The following TUSC3 variants were observed in gnomAD, a reference collection of about 807,000 sequenced individuals.
TUSC3 encodes the protein tumor suppressor candidate 3.
Under a neutral mutation model 44.8 loss-of-function variants are expected in TUSC3, and 45 were observed. The ratio of observed to expected loss-of-function variants is 1.00; its 90% CI spans 0.79 to 1.29. The LOEUF (loss-of-function observed/expected upper bound fraction) is 1.29. Ranked by LOEUF, TUSC3 falls within the 50% of genes most tolerant of loss-of-function variation. TUSC3 has a pLI of 0.00. For synonymous variants in TUSC3, 212 were observed against 152.9 expected, an observed-to-expected ratio of 1.39 and a Z score of -2.85; for missense variants, 519 against 437.9, an observed-to-expected ratio of 1.19 and a Z score of -1.65.
chr8:15,797,509 A>G, the TUSC3 span, among the ~76,000 whole-genome samples: 1 of 152,160 alleles, frequency 6.6e-6, no homozygotes, highest in South Asian at 2.1e-4. Context: ...CTTTTGCTAG[A>G]GGAAGTGTGA....
chr8:15,525,166 C>T (rs943443151), intron 2 of TUSC3, among the ~76,000 whole-genome samples: 2 of 152,130 alleles, frequency 1.3e-5, no homozygotes, highest in African/African-American at 4.8e-5. Flanking sequence ...CTGCTGGTGC[C>T]CACGTATATA....
chr8:15,616,526 G>C (rs1804993967), intron 1 of TUSC3, among the ~76,000 whole-genome samples: 1 of 152,244 alleles, frequency 6.6e-6, no homozygotes, highest in Non-Finnish European at 1.5e-5. Context: ...GTAATTTGCG[G>C]AGATAGCACC....
intron 1 of TUSC3, among the ~76,000 whole-genome samples, chr8:15,547,942 T>TAA (rs1305430395): frequency 2.0e-5 from 3 of 151,734 alleles, no homozygotes; most frequent in African/African-American, 7.2e-5. Flanking sequence ...ATAATTCACT[T>TAA]TATTTTTAAC....
At chr8:15,743,276 C>G (rs1471064105) in intron 7 of TUSC3, among the ~76,000 whole-genome samples, 1 of 152,196 alleles carries the variant, frequency 6.6e-6, no homozygotes, top group African/African-American at 2.4e-5. Context: ...TTTATATGTG[C>G]TGTGAAAATC....
At chr8:15,513,118 G>A (rs1387915269) in intron 2 of TUSC3, among the ~76,000 whole-genome samples, 2 of 151,084 alleles carry the variant, frequency 1.3e-5, no homozygotes, top group Non-Finnish European at 2.9e-5. Context: ...CACCTAAACA[G>A]TAAATGAAAA....
chr8:15,574,838 C>T (rs1477447098), intron 1 of TUSC3, among the ~76,000 whole-genome samples: 1 of 152,096 alleles, frequency 6.6e-6, no homozygotes, highest in East Asian at 1.9e-4. Flanking sequence ...ACTTGGAAAA[C>T]ATTTAGAGCA....
At chr8:15,736,925 C>T (rs767990708) in intron 7 of TUSC3, among the ~76,000 whole-genome samples, 12 of 151,894 alleles carry the variant, frequency 7.9e-5, no homozygotes, top group Admixed American at 3.3e-4. Flanking sequence ...TAATCTCTGA[C>T]CTAAGTTAGA....
At chr8:15,645,085 A>G (rs1223361803) in intron 2 of TUSC3, among the ~76,000 whole-genome samples, 3 of 152,164 alleles carry the variant, frequency 2.0e-5, no homozygotes, top group African/African-American at 7.2e-5. Context: ...AGACCATTAG[A>G]GTAACATTGA....
intron 1 of TUSC3, among the ~76,000 whole-genome samples, chr8:15,608,619 T>C (rs553777458): frequency 1.3e-4 from 20 of 152,184 alleles, no homozygotes; most frequent in African/African-American, 4.3e-4. Context: ...ATGGGGGTGG[T>C]TTCCCCCATG....
downstream of TUSC3, among the ~76,000 whole-genome samples, chr8:15,769,798 GC>G (rs1812409369): frequency 6.6e-6 from 1 of 152,164 alleles, no homozygotes; most frequent in African/African-American, 2.4e-5. Flanking sequence ...CATTTATGTG[GC>G]CCACAAACGT....
chr8:15,694,435 CAAAAAAAAAAAAA>C (rs146718595), intron 6 of TUSC3, among the ~76,000 whole-genome samples: 14 of 83,232 alleles, frequency 1.7e-4, no homozygotes, highest in Admixed American at 3.0e-4. Flanking sequence ...AAACTCCATC[CAAAAAAAAAAAAA>C]AAAAAAAAAA....
intron 1 of TUSC3, among the ~76,000 whole-genome samples, chr8:15,599,623 T>A (rs953095637): frequency 7.3e-5 from 11 of 151,580 alleles, no homozygotes; most frequent in Non-Finnish European, 1.6e-4. Context: ...AAGTCTAGAT[T>A]CATTTTTTTG....
intron 6 of TUSC3, among the ~76,000 whole-genome samples, chr8:15,712,798 A>T (rs78895275): frequency 6.6e-6 from 1 of 152,146 alleles, no homozygotes; most frequent in Non-Finnish European, 1.5e-5. Context: ...CACAGGTCAC[A>T]GTAAGGGTCA....
intron 2 of TUSC3, among the ~76,000 whole-genome samples, chr8:15,630,278 T>G (rs1265255452): frequency 6.6e-6 from 1 of 152,092 alleles, no homozygotes; most frequent in Non-Finnish European, 1.5e-5. Context: ...TAATATATAA[T>G]TGGACTCCGG....
At chr8:15,849,674 T>C in the TUSC3 span, among the ~76,000 whole-genome samples, 1 of 151,994 alleles carries the variant, frequency 6.6e-6, no homozygotes, top group Admixed American at 6.6e-5. Flanking sequence ...GCCTACAGGG[T>C]AAAAATAAAG....
chr8:15,611,114 G>C (rs1804742500), intron 1 of TUSC3, among the ~76,000 whole-genome samples: 1 of 151,954 alleles, frequency 6.6e-6, no homozygotes, highest in Non-Finnish European at 1.5e-5. Flanking sequence ...AATTGGTTTG[G>C]GATTTTACAG....
intron 7 of TUSC3, among the ~76,000 whole-genome samples, chr8:15,739,932 A>G (rs1256103988): frequency 6.6e-6 from 1 of 152,180 alleles, no homozygotes; most frequent in Admixed American, 6.5e-5. Flanking sequence ...TTGTAAACAG[A>G]TGGTAATGTC....
intron 2 of TUSC3, among the ~76,000 whole-genome samples, chr8:15,646,524 T>G (rs2129173935): frequency 6.6e-6 from 1 of 152,206 alleles, no homozygotes; most frequent in African/African-American, 2.4e-5. Context: ...CCCCATTACT[T>G]TATCACTTTT....
At chr8:15,559,364 C>G (rs1193531169) in intron 1 of TUSC3, among the ~76,000 whole-genome samples, 18 of 148,684 alleles carry the variant, frequency 1.2e-4, no homozygotes, top group Admixed American at 2.0e-4. Flanking sequence ...TGTGGTCTGA[C>G]AGACAGTTTG....
Sources: allele counts gnomAD v4.1 joint callset (sites outside exome capture counted in the v4.1 genomes callset), GRCh38; gene constraint gnomAD v4.1.1; transcripts MANE v1.5; gene names NCBI Gene and HGNC (gene_info 2026-07-23, HGNC 2026-07-21).